The following ACP3 variants were observed in gnomAD, a reference collection of about 807,000 sequenced individuals.
The protein encoded by ACP3 is acid phosphatase 3.
A neutral mutation model predicts 45.6 loss-of-function variants in ACP3; 38 were observed. The ratio of observed to expected loss-of-function variants is 0.83; its 90% CI spans 0.64 to 1.09. The LOEUF is 1.09. ACP3 is among the 50% of genes least tolerant of loss of function. The probability of loss-of-function intolerance (pLI) is 0.00; values close to 1 mark genes in which losing one functional copy is unlikely to be tolerated. For missense variants in ACP3, 466 were observed against 463.2 expected, an observed-to-expected ratio of 1.01 and a Z score of -0.05; for synonymous variants, 162 against 164.7, an observed-to-expected ratio of 0.98 and a Z score of 0.13.
chr3:132,334,042 G>C (rs747652012), intron 4 of ACP3, among the ~76,000 whole-genome samples: 4 of 152,204 alleles, frequency 2.6e-5, no homozygotes, highest in Admixed American at 1.3e-4. Flanking sequence ...TTGCACTCCA[G>C]CTTGGGCAAC....
At chr3:132,339,975 A>G (rs1937534117) in intron 5 of ACP3, among the ~76,000 whole-genome samples, 1 of 152,148 alleles carries the variant, frequency 6.6e-6, no homozygotes, top group Admixed American at 6.5e-5. Context: ...CATACTTTGG[A>G]GACTCCAAGG....
At chr3:132,322,712 T>C (rs569129141) in intron 1 of ACP3, among the ~76,000 whole-genome samples, 2 of 152,336 alleles carry the variant, frequency 1.3e-5, no homozygotes, top group East Asian at 1.9e-4. Context: ...CACAAATGAA[T>C]AGGATAGAGA....
At chr3:132,322,176 T>G (rs180675774) in intron 1 of ACP3, among the ~76,000 whole-genome samples, 21 of 152,310 alleles carry the variant, frequency 1.4e-4, no homozygotes, top group African/African-American at 5.1e-4. Context: ...TTCTGATATA[T>G]CACACATCTT....
intron 4 of ACP3, 104 bp from the exon 5 acceptor site, chr3:132,337,352 A>G: frequency 3.0e-6 from 2 of 663,692 alleles, no homozygotes; most frequent in Non-Finnish European, 5.2e-6. Context: ...TGAATCTTTT[A>G]TTAAGGTTGC....
At chr3:132,329,124 C>A (rs887667240) in intron 2 of ACP3, among the ~76,000 whole-genome samples, 1 of 152,150 alleles carries the variant, frequency 6.6e-6, no homozygotes, top group Non-Finnish European at 1.5e-5. Flanking sequence ...ATTCCCTTTG[C>A]TTGTAAGATT....
intron 8 of ACP3, among the ~76,000 whole-genome samples, chr3:132,350,393 TA>T (rs367958983): frequency 7.9e-5 from 12 of 152,232 alleles, no homozygotes; most frequent in African/African-American, 2.9e-4. Flanking sequence ...ACAAATAAAG[TA>T]AATTATTAGG....
chr3:132,334,575 G>T (rs928812934), intron 4 of ACP3, among the ~76,000 whole-genome samples: 2 of 152,172 alleles, frequency 1.3e-5, no homozygotes, highest in Non-Finnish European at 2.9e-5. Flanking sequence ...CGTCGTTCAG[G>T]TCTTCATAAA....
intron 1 of ACP3, among the ~76,000 whole-genome samples, chr3:132,327,157 A>C (rs576066939): frequency 6.6e-6 from 1 of 152,364 alleles, no homozygotes; most frequent in South Asian, 2.1e-4. Flanking sequence ...CCAAAAAATG[A>C]ACAAATCATT....
chr3:132,338,187 A>G (rs956607592), intron 5 of ACP3, among the ~76,000 whole-genome samples: 2 of 151,762 alleles, frequency 1.3e-5, no homozygotes, highest in Admixed American at 6.6e-5. Context: ...TTCCTTATGC[A>G]TATACAAACA....
downstream of ACP3, among the ~76,000 whole-genome samples, chr3:132,361,367 G>A (rs1322642426): frequency 6.6e-6 from 1 of 152,022 alleles, no homozygotes; most frequent in Non-Finnish European, 1.5e-5. Flanking sequence ...ACTTGCTTTG[G>A]TATGCTCCGA....
intron 10 of ACP3, among the ~76,000 whole-genome samples, chr3:132,366,756 A>G (rs1469366958): frequency 6.6e-6 from 1 of 152,184 alleles, no homozygotes; most frequent in Non-Finnish European, 1.5e-5. Context: ...TTTGGAAGTA[A>G]TTACTGAATA....
At position 132,337,403 on chromosome 3, in the gene ACP3, T is replaced by A. The variant is rs187463519; in HGVS notation, c.457-53T>A. On this transcript the variant is annotated intron_variant, in intron 4 of 9. Coordinates refer to ENST00000336375, the MANE Select transcript of ACP3 (RefSeq NM_001099.5). ...GCTTAAAATATTGCTGCAGCATATT[T>A]AGCAAAGTTTTTCTGACTCATAACA... 30 of 1,172,126 alleles carry A rather than the reference T, an allele frequency of 2.6e-5. No homozygotes were observed. In the African/African-American group the frequency reaches 3.5e-4, roughly 14 times the overall value. The allele number at this position is 1,172,126 out of a possible 1,614,324, so 72.6% of individuals were successfully genotyped here.
intron 4 of ACP3, among the ~76,000 whole-genome samples, chr3:132,334,072 A>T (rs1001503314): frequency 4.6e-5 from 7 of 152,226 alleles, no homozygotes; most frequent in African/African-American, 1.7e-4. Flanking sequence ...ATTCCGTCTC[A>T]AAAATAAATA....
intron 1 of ACP3, among the ~76,000 whole-genome samples, chr3:132,320,839 CTG>C (rs1315254240): frequency 6.6e-6 from 1 of 151,984 alleles, no homozygotes; most frequent in African/African-American, 2.4e-5. Flanking sequence ...TTAATAGAGA[CTG>C]GGTTTCACCA....
intron 1 of ACP3, among the ~76,000 whole-genome samples, chr3:132,324,063 C>T (rs887056408): frequency 2.0e-5 from 3 of 151,964 alleles, no homozygotes; most frequent in African/African-American, 7.3e-5. Context: ...ACTAAAAATA[C>T]AAAAATTAGC....
downstream of ACP3, among the ~76,000 whole-genome samples, chr3:132,360,369 C>T (rs1938018481): frequency 1.3e-5 from 2 of 149,508 alleles, no homozygotes; most frequent in Middle Eastern, 3.5e-3. Context: ...AAAGCCGATA[C>T]AGGAAGCAGG....
chr3:132,329,956 C>T (rs902462045), intron 2 of ACP3, among the ~76,000 whole-genome samples: 3 of 137,546 alleles, frequency 2.2e-5, no homozygotes, highest in African/African-American at 8.1e-5. Context: ...CTCACTCTGT[C>T]CCCGCAGGCT....
intron 1 of ACP3, among the ~76,000 whole-genome samples, chr3:132,326,913 T>C (rs553940023): frequency 6.6e-6 from 1 of 152,344 alleles, no homozygotes; most frequent in South Asian, 2.1e-4. Flanking sequence ...AGTTCTTCAG[T>C]GTTTTCTTTC....
intron 10 of ACP3, among the ~76,000 whole-genome samples, chr3:132,365,046 C>T (rs1226906918): frequency 6.6e-6 from 1 of 152,196 alleles, no homozygotes; most frequent in Non-Finnish European, 1.5e-5. Flanking sequence ...TAAGAAGCAT[C>T]CTGGCATCAT....
Sources: gnomAD v4.1 joint callset for allele counts (sites outside exome capture counted in the v4.1 genomes callset) on GRCh38, gnomAD v4.1.1 for gene constraint, MANE v1.5 for transcripts, NCBI Gene and HGNC (gene_info 2026-07-23, HGNC 2026-07-21) for gene names.